The following RBFOX3 variants were observed in gnomAD, a reference collection of about 807,000 sequenced individuals.
RBFOX3 encodes RNA binding fox-1 homolog 3, also known as RNA binding protein fox-1 homolog 3.
RBFOX3 carries 17 observed loss-of-function variants against 48.7 expected under a neutral mutation model. That is an observed-to-expected ratio of 0.35 (90% confidence interval 0.24 to 0.52). The LOEUF (loss-of-function observed/expected upper bound fraction) is 0.52. Ranked by LOEUF, RBFOX3 falls within the 20% of genes least tolerant of loss-of-function variation. The probability of loss-of-function intolerance (pLI) is 0.94; values close to 1 mark genes in which losing one functional copy is unlikely to be tolerated. For missense variants in RBFOX3, 382 were observed against 497.5 expected, an observed-to-expected ratio of 0.77 and a Z score of 2.21; for synonymous variants, 212 against 209.5, an observed-to-expected ratio of 1.01 and a Z score of -0.10.
intron 1 of RBFOX3, among the ~76,000 whole-genome samples, chr17:79,609,416 A>T (rs2093917747): frequency 3.9e-5 from 6 of 152,116 alleles, no homozygotes; most frequent in Admixed American, 3.9e-4. Flanking sequence ...TGGGGCAGGA[A>T]GGGGGACTTA....
At chr17:79,145,174 T>G (rs1030925334) in intron 4 of RBFOX3, among the ~76,000 whole-genome samples, 3 of 152,094 alleles carry the variant, frequency 2.0e-5, no homozygotes, top group Non-Finnish European at 4.4e-5. Flanking sequence ...TGGGCACAGA[T>G]TCTGTCCCAT....
chr17:79,565,514 T>G (rs1392923977), intron 1 of RBFOX3, among the ~76,000 whole-genome samples: 1 of 152,042 alleles, frequency 6.6e-6, no homozygotes, highest in Non-Finnish European at 1.5e-5. Context: ...AATTTTTTTG[T>G]ATTTTTAGTA....
intron 4 of RBFOX3, among the ~76,000 whole-genome samples, chr17:79,135,721 G>A (rs533783997): frequency 6.6e-6 from 1 of 152,254 alleles, no homozygotes; most frequent in Non-Finnish European, 1.5e-5. Context: ...CCTCACCCAC[G>A]TCCCTAAAAT....
At chr17:79,602,305 C>A (rs2093723361) in intron 1 of RBFOX3, among the ~76,000 whole-genome samples, 1 of 152,252 alleles carries the variant, frequency 6.6e-6, no homozygotes, top group South Asian at 2.1e-4. Context: ...CTCGACACAG[C>A]GTTGGCTGTC....
intron 1 of RBFOX3, among the ~76,000 whole-genome samples, chr17:79,609,148 G>A (rs1599286037): frequency 6.6e-6 from 1 of 152,328 alleles, no homozygotes; most frequent in East Asian, 1.9e-4. Context: ...CCGAATCCGC[G>A]ATGCACACTT....
At chr17:79,256,197 C>T (rs1173468789) in intron 3 of RBFOX3, among the ~76,000 whole-genome samples, 1 of 152,074 alleles carries the variant, frequency 6.6e-6, no homozygotes, top group Non-Finnish European at 1.5e-5. Context: ...AGCCTCATCA[C>T]TCCCTCTTAG....
the RBFOX3 span, among the ~76,000 whole-genome samples, chr17:79,644,195 A>G: frequency 5.9e-5 from 9 of 152,160 alleles, no homozygotes; most frequent in East Asian, 1.2e-3. Flanking sequence ...ATCATCAAAA[A>G]CTTTCCCATG....
At chr17:79,518,822 G>A (rs2085634225) in intron 1 of RBFOX3, among the ~76,000 whole-genome samples, 1 of 152,244 alleles carries the variant, frequency 6.6e-6, no homozygotes, top group South Asian at 2.1e-4. Context: ...TCTAGCTCTG[G>A]GCCCACAGAG....
chr17:79,464,390 CG>C (rs2076042776), intron 2 of RBFOX3, among the ~76,000 whole-genome samples: 1 of 152,234 alleles, frequency 6.6e-6, no homozygotes, highest in African/African-American at 2.4e-5. Context: ...CCATCAATAC[CG>C]CCAACTTGGG....
chr17:79,620,230 C>CAT, the RBFOX3 span, among the ~76,000 whole-genome samples: 2 of 151,486 alleles, frequency 1.3e-5, no homozygotes, highest in African/African-American at 4.9e-5. Flanking sequence ...GACATGCACA[C>CAT]ACGCACATGC....
chr17:79,237,065 T>C (rs1326621156), intron 3 of RBFOX3, among the ~76,000 whole-genome samples: 1 of 152,248 alleles, frequency 6.6e-6, no homozygotes, highest in African/African-American at 2.4e-5. Context: ...TGCTCTCTGA[T>C]GCCTGAACCT....
intron 4 of RBFOX3, among the ~76,000 whole-genome samples, chr17:79,159,898 C>T (rs1041319971): frequency 3.9e-5 from 6 of 152,232 alleles, no homozygotes; most frequent in Non-Finnish European, 7.3e-5. Context: ...GAGGCTTCAG[C>T]GAGGGTGCAT....
intron 2 of RBFOX3, among the ~76,000 whole-genome samples, chr17:79,435,617 G>C (rs372837924): frequency 3.9e-4 from 59 of 152,352 alleles, no homozygotes; most frequent in African/African-American, 1.3e-3. Context: ...CCTGGCTCCT[G>C]GTAGGCACTG....
Position 79,356,311 on chromosome 17 carries a change from C to T in RBFOX3, c.-174-48487G>A, listed in dbSNP as rs530759250. Among the ~76,000 whole-genome samples, 56 of 144,068 alleles carry T rather than the reference C, an allele frequency of 3.9e-4. 2 individuals carry two copies. The highest frequency in any genetic ancestry group is 7.1e-4 in the Non-Finnish European group (47 of 66,650). The allele number at this position is 144,068 out of a possible 152,430, so 94.5% of individuals were successfully genotyped here. A position where few individuals can be genotyped will look rare whatever the true frequency, so the allele number is the denominator to read the frequency against. ...CTGGGCAATGCCAAGGTACCTCTGC[C>T]GTGAGGCACGTACTTTTTCACTTTT... On this transcript the variant is annotated intron_variant, in intron 2 of 14. Transcript: ENST00000693108.
chr17:79,661,042 CACA>C, the RBFOX3 span, among the ~76,000 whole-genome samples: 1 of 152,172 alleles, frequency 6.6e-6, no homozygotes, highest in Non-Finnish European at 1.5e-5. Context: ...GAAAACCAAA[CACA>C]ACATGTTCTT....
intron 3 of RBFOX3, among the ~76,000 whole-genome samples, chr17:79,236,163 G>T (rs938414523): frequency 6.6e-6 from 1 of 152,308 alleles, no homozygotes; most frequent in Middle Eastern, 3.4e-3. Context: ...ACAAACGCAG[G>T]CCTTGTGGCT....
rs115098920 is a variant in RBFOX3 at position 79,361,265 on chromosome 17, C to T, written c.-174-53441G>A. 4.9e-4 allele frequency among the ~76,000 whole-genome samples: 74 copies of T among 152,308 alleles called. No homozygotes were observed. Among genetic ancestry groups the T allele is most frequent in the African/African-American group, 1.8e-3 (74 of 41,566 alleles). ...GCCACTGCCCGACCTGGCCTCTTCC[C>T]TCTCCCCAGGCTGCTGGTTGGCGCC... On this transcript the variant is annotated intron_variant, in intron 2 of 14. Coordinates refer to ENST00000693108, the MANE Select transcript of RBFOX3 (RefSeq NM_001350451.2). This position sits in a 1 kb window ranked among gnomAD's most constrained non-coding sequence, Gnocchi z 4.5.
chr17:79,378,132 G>A (rs1007588609), intron 2 of RBFOX3, among the ~76,000 whole-genome samples: 2 of 152,144 alleles, frequency 1.3e-5, no homozygotes, highest in Non-Finnish European at 2.9e-5. Context: ...ATCTCATAGG[G>A]GGGGCGCATC....
chr17:79,157,124 C>T (rs897367139), intron 4 of RBFOX3, among the ~76,000 whole-genome samples: 1 of 152,184 alleles, frequency 6.6e-6, no homozygotes, highest in Non-Finnish European at 1.5e-5. Context: ...GAAACCCCTC[C>T]GGTGTCCTCG....
Sources: gnomAD v4.1 joint callset for allele counts (sites outside exome capture counted in the v4.1 genomes callset) on GRCh38, gnomAD v4.1.1 for gene constraint, Gnocchi (gnomAD v3.1) non-coding constraint, MANE v1.5 for transcripts, NCBI Gene and HGNC (gene_info 2026-07-23, HGNC 2026-07-21) for gene names.